The following MAST4 variants were observed in gnomAD, a reference collection of about 807,000 sequenced individuals.
MAST4 encodes microtubule-associated serine/threonine-protein kinase 4.
MAST4 carries 89 observed loss-of-function variants against 162.7 expected under a neutral mutation model. That is an observed-to-expected ratio of 0.55 (90% confidence interval 0.46 to 0.65). MAST4 has a LOEUF of 0.65. MAST4 is among the 30% of genes least tolerant of loss of function. The pLI, the probability that MAST4 is intolerant of heterozygous loss-of-function variation, is 0.00. For synonymous variants in MAST4, 1,479 were observed against 1,361.1 expected (o/e 1.09, Z -1.91); for missense variants, 3,153 against 3,374.0 (o/e 0.93, Z 1.62).
chr5:66,991,142 G>A (rs1376649463), intron 4 of MAST4, among the ~76,000 whole-genome samples: 1 of 152,156 alleles, frequency 6.6e-6, no homozygotes, highest in East Asian at 1.9e-4. Flanking sequence ...TAGAAAAACT[G>A]GCTGGCTGGT....
At chr5:66,739,606 T>A (rs57539139) in intron 1 of MAST4, among the ~76,000 whole-genome samples, 2 of 152,296 alleles carry the variant, frequency 1.3e-5, no homozygotes, top group East Asian at 3.9e-4. Flanking sequence ...CATCTAATAA[T>A]GTCAAGTATA....
At chr5:67,071,280 G>T (rs1760946503) in intron 5 of MAST4, among the ~76,000 whole-genome samples, 1 of 152,098 alleles carries the variant, frequency 6.6e-6, no homozygotes, top group Admixed American at 6.6e-5. Context: ...TAAAATAATT[G>T]CTAACAAAGG....
intron 3 of MAST4, among the ~76,000 whole-genome samples, chr5:66,868,461 G>GTA (rs966919816): frequency 7.0e-5 from 10 of 142,016 alleles, no homozygotes; most frequent in East Asian, 2.1e-4. Flanking sequence ...ATACGTATAT[G>GTA]TATATATATA....
chr5:67,135,647 A>G (rs985223199), intron 18 of MAST4, among the ~76,000 whole-genome samples: 2 of 152,252 alleles, frequency 1.3e-5, no homozygotes, highest in Admixed American at 1.3e-4. Flanking sequence ...TTTATACAAT[A>G]TCTGAGCTGT....
intron 3 of MAST4, among the ~76,000 whole-genome samples, chr5:66,814,345 C>T (rs763703135): frequency 2.0e-5 from 3 of 152,110 alleles, no homozygotes; most frequent in East Asian, 1.9e-4. Flanking sequence ...ATTATGGCCT[C>T]GGGCAAGCAT....
At chr5:66,894,792 C>A (rs1762575002) in intron 3 of MAST4, among the ~76,000 whole-genome samples, 1 of 152,172 alleles carries the variant, frequency 6.6e-6, no homozygotes, top group East Asian at 1.9e-4. Context: ...TTCCAAATTC[C>A]CTTTGTTTTT....
chr5:66,885,947 A>G (rs888524680), intron 3 of MAST4, among the ~76,000 whole-genome samples: 1 of 152,154 alleles, frequency 6.6e-6, no homozygotes, highest in Non-Finnish European at 1.5e-5. Context: ...ACTTTTCTAG[A>G]TGCTTTACAT....
At chr5:66,845,438 A>G (rs886772104) in intron 3 of MAST4, among the ~76,000 whole-genome samples, 1 of 152,038 alleles carries the variant, frequency 6.6e-6, no homozygotes, top group African/African-American at 2.4e-5. Flanking sequence ...TACAAAGGAC[A>G]TGAACTCATC....
At chr5:67,011,519 T>G (rs1752668055) in intron 4 of MAST4, among the ~76,000 whole-genome samples, 1 of 152,228 alleles carries the variant, frequency 6.6e-6, no homozygotes, top group African/African-American at 2.4e-5. Flanking sequence ...GTTGCTAATA[T>G]TCCATGACGC....
chr5:67,062,183 C>T (rs555431177), intron 5 of MAST4, among the ~76,000 whole-genome samples: 97 of 152,264 alleles, frequency 6.4e-4, no homozygotes, highest in Middle Eastern at 3.4e-3. Context: ...GGGCGGATTA[C>T]GAGGTTGGGA....
chr5:66,878,247 A>G lies in MAST4; in HGVS notation c.643-21704A>G, dbSNP rs113300092. ...GTGGGACAACTGTCTTAGATGTTCA[A>G]TGTCAATTCCTGTGGGCCACGTTTG... On this transcript the variant is annotated intron_variant, in intron 3 of 28. Transcript: ENST00000403625. 1.2e-4 allele frequency among the ~76,000 whole-genome samples: 18 copies of G among 152,374 alleles called. 1 individual carries two copies. The highest frequency in any genetic ancestry group is 3.4e-3 in the Middle Eastern group (1 of 294).
chr5:66,628,433 T>G (rs1418435878), intron 1 of MAST4, among the ~76,000 whole-genome samples: 1 of 151,978 alleles, frequency 6.6e-6, no homozygotes, highest in African/African-American at 2.4e-5. Context: ...GCTTATCTAT[T>G]TAGCTAAAAT....
Position 67,166,520 on chromosome 5 carries a change from T to G in MAST4, c.7341T>G (p.Ser2447Arg). 6.2e-7 allele frequency: 1 copy of G among 1,607,340 alleles called. No homozygotes were observed. The highest frequency in any genetic ancestry group is 8.5e-7 in the Non-Finnish European group (1 of 1,177,086). ...GGTCCCCCTCAGCCACTGGGCAGAG[T>G]TCTTTCCGATCCACGGCCCTCCCGG... ...MKRSPSATGQ[S>R]SFRSTALPEK... The change falls in exon 29 of 29, where the codon AGT becomes AGG. Residue 2447 changes from serine to arginine, a missense_variant. Ser to Arg is a moderately radical substitution (Grantham distance 110, BLOSUM62 -1). Coordinates refer to ENST00000403625, the MANE Select transcript of MAST4 (RefSeq NM_001164664.2).
chr5:66,796,168 A>AATCCTC (rs915219100), intron 3 of MAST4, among the ~76,000 whole-genome samples: 157 of 152,308 alleles, frequency 1.0e-3, no homozygotes, highest in African/African-American at 3.5e-3. Context: ...TGAAGTGTAA[A>AATCCTC]ATCCTCTCTG....
intron 1 of MAST4, among the ~76,000 whole-genome samples, chr5:66,679,857 G>A (rs1748214406): frequency 6.6e-6 from 1 of 152,060 alleles, no homozygotes; most frequent in African/African-American, 2.4e-5. Context: ...CCCCTGGCCT[G>A]ATGGTGGAAT....
chr5:66,617,472 G>GTT (rs201807116), intron 1 of MAST4, among the ~76,000 whole-genome samples: 1 of 141,482 alleles, frequency 7.1e-6, no homozygotes. Context: ...GCAGAGAAGG[G>GTT]TTATTTTTTT....
At chr5:67,028,263 A>C (rs988509017) in intron 4 of MAST4, among the ~76,000 whole-genome samples, 1 of 152,140 alleles carries the variant, frequency 6.6e-6, no homozygotes, top group Non-Finnish European at 1.5e-5. Context: ...GCAAAACAAC[A>C]ACAACAACAA....
At chr5:66,736,959 A>G (rs1294032966) in intron 1 of MAST4, among the ~76,000 whole-genome samples, 1 of 152,240 alleles carries the variant, frequency 6.6e-6, no homozygotes, top group African/African-American at 2.4e-5. Flanking sequence ...GGGTTGGTAT[A>G]TAGTCCATTC....
chr5:67,108,769 A>C (rs1765881067), intron 10 of MAST4, among the ~76,000 whole-genome samples: 1 of 152,156 alleles, frequency 6.6e-6, no homozygotes, highest in African/African-American at 2.4e-5. Context: ...TTCTGAGTAC[A>C]ATCATTTTTT....
Sources: allele counts gnomAD v4.1 joint callset (sites outside exome capture counted in the v4.1 genomes callset), GRCh38; gene constraint gnomAD v4.1.1; transcripts MANE v1.5; gene names NCBI Gene and HGNC (gene_info 2026-07-23, HGNC 2026-07-21).